ERC1: variants seen among roughly 807,000 people sequenced by gnomAD.
The protein encoded by ERC1 is RAB6 interacting protein 2.
ERC1 carries 56 observed loss-of-function variants against 132.0 expected under a neutral mutation model. The observed-to-expected ratio is 0.42, with a 90% CI of 0.34 to 0.53. The LOEUF is 0.53. ERC1 is among the 20% of genes least tolerant of loss of function. ERC1 has a pLI of 0.03. For missense variants in ERC1, 1,202 were observed against 1,349.9 expected, an observed-to-expected ratio of 0.89 and a Z score of 1.72; for synonymous variants, 478 against 476.1, an observed-to-expected ratio of 1.00 and a Z score of -0.05.
At chr12:1,072,578 C>T (rs191452385) in intron 2 of ERC1, among the ~76,000 whole-genome samples, 11 of 139,080 alleles carry the variant, frequency 7.9e-5, no homozygotes, top group African/African-American at 2.8e-4. Flanking sequence ...GGTTTGTGTA[C>T]AAATGTTTAT....
chr12:1,051,666 T>C (rs188503579), intron 2 of ERC1, among the ~76,000 whole-genome samples: 72 of 151,514 alleles, frequency 4.8e-4, no homozygotes, highest in African/African-American at 1.7e-3. Flanking sequence ...CTGCAGTGAG[T>C]CCTGATCCTG....
chr12:1,433,999 AAG>A (rs1302841883), intron 17 of ERC1, among the ~76,000 whole-genome samples: 3 of 151,466 alleles, frequency 2.0e-5, no homozygotes, highest in Non-Finnish European at 4.4e-5. Context: ...AAAAAAAAAA[AAG>A]GTGTACTCCC....
intron 1 of ERC1, among the ~76,000 whole-genome samples, chr12:1,020,422 A>C (rs184518355): frequency 6.6e-6 from 1 of 152,344 alleles, no homozygotes; most frequent in Non-Finnish European, 1.5e-5. Flanking sequence ...GTGCTACTGC[A>C]CTCCAGCTTG....
rs2074827810 is a variant in ERC1, at chr12:1,229,090, AGCTTGT to A, written c.2352-7674_2352-7669del. 2.0e-5 allele frequency among the ~76,000 whole-genome samples: 3 copies of A among 152,282 alleles called. No individual in the cohort carries two copies. In the South Asian group the frequency reaches 6.2e-4, roughly 32 times the overall value. On this transcript the variant is annotated intron_variant, in intron 12 of 18. Coordinates refer to ENST00000360905, the MANE Select transcript of ERC1 (RefSeq NM_178040.4). The stretch of plus-strand genomic sequence containing the variant: ...GATGAATTTGAGAAGAATTGGTACT[AGCTTGT>A]GCTTAAGTGTTTGGTGGAAATCAGC...
intron 1 of ERC1, chr12:1,020,591 A>C (rs1040683593): frequency 2.6e-5 from 4 of 152,192 alleles, no homozygotes; most frequent in Non-Finnish European, 5.9e-5. Flanking sequence ...TCAATTCTTG[A>C]CTGGGATTGG....
chr12:1,357,727 A>ATGAGAC (rs1188402416), intron 15 of ERC1, among the ~76,000 whole-genome samples: 1 of 152,216 alleles, frequency 6.6e-6, no homozygotes, highest in African/African-American at 2.4e-5. Flanking sequence ...ACTGTTGTAA[A>ATGAGAC]ATAATAAAGA....
At chr12:1,059,962 C>A (rs1050961459) in intron 2 of ERC1, among the ~76,000 whole-genome samples, 2 of 152,142 alleles carry the variant, frequency 1.3e-5, no homozygotes, top group East Asian at 3.8e-4. Context: ...GCTATCTGAT[C>A]CAGGGTTTCC....
At chr12:1,175,662 T>C (rs1953628249) in intron 8 of ERC1, among the ~76,000 whole-genome samples, 2 of 151,726 alleles carry the variant, frequency 1.3e-5, no homozygotes, top group South Asian at 4.2e-4. Flanking sequence ...GCCTCCCGAG[T>C]AGCTGGGGTT....
chr12:1,476,042 TCA>T (rs2093965657), intron 18 of ERC1, among the ~76,000 whole-genome samples: 1 of 151,108 alleles, frequency 6.6e-6, no homozygotes, highest in South Asian at 2.1e-4. Flanking sequence ...GGTGGGTGGA[TCA>T]CACGGTCAGG....
At chr12:1,017,495 A>ATT (rs67654163) in intron 1 of ERC1, among the ~76,000 whole-genome samples, 121 of 124,886 alleles carry the variant, frequency 9.7e-4, no homozygotes, top group Middle Eastern at 4.3e-3. Flanking sequence ...TTGTTCTGGT[A>ATT]TTTTTTTTTT....
At chr12:1,472,124 C>T (rs1212953672) in intron 18 of ERC1, among the ~76,000 whole-genome samples, 1 of 152,128 alleles carries the variant, frequency 6.6e-6, no homozygotes, top group Non-Finnish European at 1.5e-5. Context: ...GGGTATTTGC[C>T]TGAGCTGCAG....
chr12:1,431,469 C>T (rs1414899176), intron 17 of ERC1, among the ~76,000 whole-genome samples: 3 of 152,126 alleles, frequency 2.0e-5, no homozygotes, highest in Non-Finnish European at 4.4e-5. Flanking sequence ...AACTTAGTAT[C>T]TTGATCAATT....
intron 13 of ERC1, among the ~76,000 whole-genome samples, chr12:1,247,823 C>T (rs1257921110): frequency 1.3e-5 from 2 of 152,040 alleles, no homozygotes; most frequent in Non-Finnish European, 2.9e-5. Flanking sequence ...ATGGAGAAAC[C>T]CCATCTCCAC....
intron 15 of ERC1, among the ~76,000 whole-genome samples, chr12:1,319,251 A>C (rs529369819): frequency 2.0e-5 from 3 of 152,348 alleles, no homozygotes; most frequent in African/African-American, 7.2e-5. Flanking sequence ...GTGAAACTTT[A>C]AGAATAAAAT....
rs185890922 is a variant in ERC1 at position 1,320,894 on chromosome 12, G to T, written c.2780+30882G>T. Among the ~76,000 whole-genome samples the T allele has an allele frequency of 4.4e-4, 67 of 152,230 alleles. No individual in the cohort carries two copies. In the East Asian group the frequency reaches 9.7e-3, roughly 22 times the overall value. ...TTTTTTGTATTTTTAGTAGAGACGG[G>T]GTTTCACCGTGTTAGCCAGGATGGT... On this transcript the variant is annotated intron_variant, in intron 15 of 18. Coordinates refer to ENST00000360905, the MANE Select transcript of ERC1 (RefSeq NM_178040.4).
Position 1,229,745 on chromosome 12 carries a change from C to G in ERC1, c.2352-7024C>G, listed in dbSNP as rs191067510. Among the ~76,000 whole-genome samples the G allele has an allele frequency of 1.3e-3, 200 of 152,184 alleles. 3 individuals are homozygous for G. Among genetic ancestry groups the G allele is most frequent in the Admixed American group, 0.012 (189 of 15,292 alleles). On this transcript the variant is annotated intron_variant, in intron 12 of 18. Coordinates refer to ENST00000360905, the MANE Select transcript of ERC1 (RefSeq NM_178040.4). ...CTTGTCAATTTTGATTATCTTTTGACAAACAACTATTATGTTGATTTTTTA... is the reference window on the plus strand; with the variant it reads ...CTTGTCAATTTTGATTATCTTTTGAGAAACAACTATTATGTTGATTTTTTA...
intron 2 of ERC1, among the ~76,000 whole-genome samples, chr12:1,036,711 C>T (rs1243715031): frequency 2.0e-5 from 3 of 152,158 alleles, no homozygotes; most frequent in Non-Finnish European, 4.4e-5. Flanking sequence ...CTAGTTGTTT[C>T]ACTGTCATTT....
intron 13 of ERC1, among the ~76,000 whole-genome samples, chr12:1,250,938 A>G (rs1025600910): frequency 2.0e-5 from 3 of 152,202 alleles, no homozygotes; most frequent in African/African-American, 7.2e-5. Context: ...AAACCAATGA[A>G]TATTAAGAAT....
At chr12:1,179,661 C>G (rs1218644892) in intron 8 of ERC1, among the ~76,000 whole-genome samples, 8 of 151,854 alleles carry the variant, frequency 5.3e-5, no homozygotes, top group African/African-American at 1.7e-4. Flanking sequence ...GCGCCCGCCA[C>G]TACGCCCGGC....
Sources: allele counts gnomAD v4.1 joint callset (sites outside exome capture counted in the v4.1 genomes callset), GRCh38; gene constraint gnomAD v4.1.1; transcripts MANE v1.5; gene names NCBI Gene and HGNC (gene_info 2026-07-23, HGNC 2026-07-21).